The following FHIP1A variants were observed in gnomAD, a reference collection of about 807,000 sequenced individuals.
FHIP1A encodes FHF complex subunit HOOK-interacting protein 1A.
A neutral mutation model predicts 88.6 loss-of-function variants in FHIP1A; 61 were observed. The ratio of observed to expected loss-of-function variants is 0.69; its 90% confidence interval spans 0.56 to 0.85. The LOEUF is 0.85. Among genes scored for constraint, FHIP1A ranks in the 40% least tolerant of loss-of-function variants. The probability of loss-of-function intolerance (pLI) is 0.00; values close to 1 mark genes in which losing one functional copy is unlikely to be tolerated. For synonymous variants in FHIP1A, 478 were observed against 496.0 expected (o/e 0.96, Z 0.48); for missense variants, 1,154 against 1,273.5 (o/e 0.91, Z 1.43).
chr4:151,591,943 T>A (rs967797052), intron 7 of FHIP1A, among the ~76,000 whole-genome samples: 1 of 152,178 alleles, frequency 6.6e-6, no homozygotes, highest in African/African-American at 2.4e-5. Context: ...GCATGTGTCT[T>A]TATAGTAGAA....
Position 151,629,885 on chromosome 4 carries a change from G to C in FHIP1A, c.1146+16G>C. ...CCCGTTTCGGGTAAGGAGAGCGCCA[G>C]AGGAAGGGAACTTACAACTCAGAAC... On this transcript the variant is annotated intron_variant, in intron 8 of 13. Transcript: ENST00000435205. 1 of 1,547,642 alleles carries C rather than the reference G, an allele frequency of 6.5e-7. No individual in the cohort carries two copies. Among genetic ancestry groups the C allele is most frequent in the Non-Finnish European group, 8.7e-7 (1 of 1,144,278 alleles).
chr4:151,629,704 G>T lies in FHIP1A; in HGVS notation c.981G>T (p.Val327=). The T allele has an allele frequency of 6.4e-7, 1 of 1,550,736 alleles. No homozygotes were observed. The highest frequency in any genetic ancestry group is 1.2e-5 in the South Asian group (1 of 83,944). ...GCTCACTCCGTTGTTTGTCCTAGGTGACTGTGGAAGAGGTCATGACCACAA... is the reference window on the plus strand; with the variant it reads ...GCTCACTCCGTTGTTTGTCCTAGGTTACTGTGGAAGAGGTCATGACCACAA... ...VPVLAPALHK[V]TVEEVMTTTA... The change falls in exon 8 of 14, where the codon GTG becomes GTT. Residue 327 remains valine, a splice_region_variant and synonymous_variant. Transcript: ENST00000435205.
intron 7 of FHIP1A, among the ~76,000 whole-genome samples, 185 bp from the exon 8 acceptor site, chr4:151,629,517 C>T (rs902423974): frequency 1.3e-5 from 2 of 152,154 alleles, no homozygotes; most frequent in Non-Finnish European, 2.9e-5. Flanking sequence ...AGGGCGGAAA[C>T]AGCATGAGGT....
Position 151,668,345 on chromosome 4 carries a change from T to C in FHIP1A, c.*5591T>C, listed in dbSNP as rs1265346487. Among the ~76,000 whole-genome samples, 4 of 152,168 alleles carry C rather than the reference T, an allele frequency of 2.6e-5. No individual in the cohort carries two copies. The highest frequency in any genetic ancestry group is 2.1e-4 in the South Asian group (1 of 4,830). ...AGATACAATATAAAATAGCGGGTCA[T>C]GGCCATAAGCTGTGTCCTGAACTAA... On this transcript the variant is annotated 3_prime_UTR_variant, in exon 14 of 14. Transcript: ENST00000435205.
intron 3 of FHIP1A, among the ~76,000 whole-genome samples, chr4:151,539,169 A>C (rs1487883034): frequency 6.6e-6 from 1 of 152,250 alleles, no homozygotes; most frequent in Non-Finnish European, 1.5e-5. Context: ...AGAAAGCCAC[A>C]GATATTCCCT....
intron 3 of FHIP1A, among the ~76,000 whole-genome samples, chr4:151,505,476 A>G (rs1016554107): frequency 6.6e-6 from 1 of 152,300 alleles, no homozygotes; most frequent in African/African-American, 2.4e-5. Context: ...CTTCCATGCA[A>G]AGGTGAAGTG....
rs1200666656 is a variant in FHIP1A, at chr4:151,670,194, T to G, written c.*7440T>G. On this transcript the variant is annotated 3_prime_UTR_variant, in exon 14 of 14. Coordinates refer to ENST00000435205, the MANE Select transcript of FHIP1A (RefSeq NM_001109977.3). Reference sequence around the variant, plus strand: ...TATATACCGAACAAAGGTGCTCCGGTGCAGTGGAGAGAACAGTATTAGTGT... The same window carrying G: ...TATATACCGAACAAAGGTGCTCCGGGGCAGTGGAGAGAACAGTATTAGTGT... 1.3e-5 allele frequency: 2 copies of G among 152,172 alleles called. No homozygotes were observed. The highest frequency in any genetic ancestry group is 2.9e-5 in the Non-Finnish European group (2 of 68,038). The allele number at this position is 152,172 out of a possible 1,614,324, so 9.4% of individuals were successfully genotyped here.
At position 151,638,685 on chromosome 4, in the gene FHIP1A, G is replaced by C; in HGVS notation, c.1155G>C (p.Val385=). 1 of 1,546,128 alleles carries C rather than the reference G, an allele frequency of 6.5e-7. No homozygotes were observed. Among genetic ancestry groups the C allele is most frequent in the Non-Finnish European group, 8.7e-7 (1 of 1,143,124 alleles). The part of the protein sequence containing the change: ...SRINTPFRLC[V]VSLALFRTLI... ...TGTCTCTTGCTTCCCAGCTTTGTGT[G>C]GTGTCTCTGGCATTATTCAGAACTC... Residue 385 remains valine, a synonymous_variant, in exon 9 of 14, where the codon GTG becomes GTC. Coordinates refer to ENST00000435205, the MANE Select transcript of FHIP1A (RefSeq NM_001109977.3).
chr4:151,638,223 G>C (rs1736429644), intron 8 of FHIP1A, among the ~76,000 whole-genome samples: 1 of 152,034 alleles, frequency 6.6e-6, no homozygotes, highest in African/African-American at 2.4e-5. Context: ...GACTTGGCTA[G>C]GTTATATGCA....
intron 7 of FHIP1A, among the ~76,000 whole-genome samples, chr4:151,615,900 T>G (rs1395976481): frequency 6.6e-6 from 1 of 152,010 alleles, no homozygotes; most frequent in Non-Finnish European, 1.5e-5. Flanking sequence ...AAAGGAAAGT[T>G]TAGATTATTG....
At chr4:151,498,764 C>T (rs762320864) in intron 3 of FHIP1A, among the ~76,000 whole-genome samples, 5 of 152,078 alleles carry the variant, frequency 3.3e-5, no homozygotes, top group South Asian at 2.1e-4. Flanking sequence ...GGCAGTGAGC[C>T]GAGATCACGC....
intron 1 of FHIP1A, among the ~76,000 whole-genome samples, chr4:151,428,169 T>A (rs1733457073): frequency 6.6e-6 from 1 of 152,160 alleles, no homozygotes; most frequent in African/African-American, 2.4e-5. Flanking sequence ...ATAACACAAT[T>A]TTTCAGGAAC....
At chr4:151,416,475 T>C (rs760371531) in intron 1 of FHIP1A, among the ~76,000 whole-genome samples, 15 of 152,154 alleles carry the variant, frequency 9.9e-5, no homozygotes, top group Non-Finnish European at 2.1e-4. Context: ...TATACACACA[T>C]ACATACCCCC....
At chr4:151,539,308 A>G (rs989063718) in intron 3 of FHIP1A, among the ~76,000 whole-genome samples, 9 of 152,248 alleles carry the variant, frequency 5.9e-5, no homozygotes, top group African/African-American at 1.9e-4. Context: ...GTGGCCAGGC[A>G]CAGTGGCTCA....
chr4:151,585,380 A>C (rs555780051), intron 5 of FHIP1A, among the ~76,000 whole-genome samples: 2 of 152,190 alleles, frequency 1.3e-5, no homozygotes, highest in African/African-American at 4.8e-5. Context: ...GGGTTTCGCC[A>C]TGTTGGCCGG....
chr4:151,500,070 G>C (rs746904779), intron 3 of FHIP1A, among the ~76,000 whole-genome samples: 5 of 152,100 alleles, frequency 3.3e-5, no homozygotes, highest in Admixed American at 2.6e-4. Context: ...ACTGTTTATA[G>C]GTCTTTGACT....
At chr4:151,616,549 C>T (rs1238259511) in intron 7 of FHIP1A, among the ~76,000 whole-genome samples, 1 of 148,116 alleles carries the variant, frequency 6.8e-6, no homozygotes, top group Non-Finnish European at 1.5e-5. Flanking sequence ...CCCGGGTTCA[C>T]GCCATTCTCC....
At chr4:151,475,632 A>G (rs1386244480) in intron 2 of FHIP1A, among the ~76,000 whole-genome samples, 1 of 152,156 alleles carries the variant, frequency 6.6e-6, no homozygotes, top group African/African-American at 2.4e-5. Context: ...TGGCTGAAGT[A>G]GAGTGAGGGA....
intron 3 of FHIP1A, among the ~76,000 whole-genome samples, chr4:151,514,624 C>T (rs1731160239): frequency 6.6e-6 from 1 of 152,132 alleles, no homozygotes; most frequent in Non-Finnish European, 1.5e-5. Flanking sequence ...AAGGGCATAT[C>T]ACCACCGATC....
Sources: allele counts gnomAD v4.1 joint callset (sites outside exome capture counted in the v4.1 genomes callset), GRCh38; gene constraint gnomAD v4.1.1; transcripts MANE v1.5; gene names NCBI Gene and HGNC (gene_info 2026-07-23, HGNC 2026-07-21).